NOP9: variants seen among roughly 807,000 people sequenced by gnomAD.
NOP9 encodes nucleolar protein 9.
Under a neutral mutation model 63.0 loss-of-function variants are expected in NOP9, and 50 were observed. That is an observed-to-expected ratio of 0.79 (90% CI 0.63 to 1.00). The LOEUF (loss-of-function observed/expected upper bound fraction) is 1.00. Among genes scored for constraint, NOP9 ranks in the 50% least tolerant of loss-of-function variants. The pLI, the probability that NOP9 is intolerant of heterozygous loss-of-function variation, is 0.00. For missense variants in NOP9, 758 were observed against 803.0 expected (o/e 0.94, Z 0.68); for synonymous variants, 343 against 332.8 (o/e 1.03, Z -0.33).
rs780699944 is a variant in NOP9 at position 24,300,131 on chromosome 14, G to A, written c.177G>A (p.Pro59=). Residue 59 remains proline (P), a synonymous_variant, in exon 1 of 10, where the codon CCG becomes CCA. Coordinates refer to ENST00000267425, the MANE Select transcript of NOP9 (RefSeq NM_174913.3). ...CAGATTCGCACCCGCACCTGAGCCC[G>A]GAAGCTCTGGGATATTTCCGCCGGG... ...PAPDSHPHLS[P]EALGYFRRAL... The A allele has an allele frequency of 3.1e-6, 5 of 1,613,890 alleles. No individual in the cohort carries two copies. In the East Asian group the frequency reaches 1.1e-4, roughly 36 times the overall value.
At chr14:24,281,449 T>G in the NOP9 span, among the ~76,000 whole-genome samples, 1 of 152,206 alleles carries the variant, frequency 6.6e-6, no homozygotes, top group Non-Finnish European at 1.5e-5. Flanking sequence ...TCAAAGTTTC[T>G]GTGCATGGGG....
the NOP9 span, chr14:24,271,274 A>C: frequency 1.0e-6 from 1 of 957,016 alleles, no homozygotes. Context: ...CAGAGTGTAA[A>C]GAGGTCCTGG....
At chr14:24,276,817 C>T in the NOP9 span, among the ~76,000 whole-genome samples, 1 of 152,208 alleles carries the variant, frequency 6.6e-6, no homozygotes, top group African/African-American at 2.4e-5. Flanking sequence ...TTCTATAAAA[C>T]TTGTCACTGA....
the NOP9 span, among the ~76,000 whole-genome samples, chr14:24,284,543 G>A: frequency 6.6e-6 from 1 of 152,098 alleles, no homozygotes; most frequent in African/African-American, 2.4e-5. Flanking sequence ...GAGTGCGCTT[G>A]GTGGGGAGGG....
At chr14:24,294,625 C>CAGA in the NOP9 span, 1 of 148,708 alleles carries the variant, frequency 6.7e-6, no homozygotes, top group East Asian at 1.9e-4. Context: ...ACAACAACAA[C>CAGA]AGACGAGTGG....
rs779444373 is a variant in NOP9, at chr14:24,300,391, C to T, written c.248-17C>T. 2 of 1,602,356 alleles carry T rather than the reference C, an allele frequency of 1.2e-6. No individual in the cohort carries two copies. The highest frequency in any genetic ancestry group is 2.2e-5 in the East Asian group (1 of 44,662). On this transcript the variant is annotated splice_polypyrimidine_tract_variant and intron_variant, in intron 1 of 9. Transcript: ENST00000267425. ...TCTACTAAGTCTCTTCAAAGTGTGT[C>T]TTTCTTCCCTTTTCAGATCTGATGG...
rs776718726 is a variant in NOP9 at position 24,305,897 on chromosome 14, G to A, written c.*802G>A. The A allele has an allele frequency of 6.3e-7, 1 of 1,589,778 alleles. No individual in the cohort carries two copies. The highest frequency in any genetic ancestry group is 8.6e-7 in the Non-Finnish European group (1 of 1,164,862). On this transcript the variant is annotated 3_prime_UTR_variant, in exon 10 of 10. Transcript: ENST00000267425. ...GTGGGTGCAAGAGGACGAATTATGG[G>A]GACTATCCAACTGTAGGGGATGGGG... is the stretch of plus-strand genomic sequence containing the variant.
At chr14:24,275,299 G>A in the NOP9 span, among the ~76,000 whole-genome samples, 5 of 152,144 alleles carry the variant, frequency 3.3e-5, no homozygotes, top group Non-Finnish European at 5.9e-5. Context: ...TATCAACAGA[G>A]CCCCAGACAT....
the NOP9 span, chr14:24,290,831 G>A: frequency 6.2e-7 from 1 of 1,612,972 alleles, no homozygotes; most frequent in East Asian, 2.2e-5. Context: ...GAGAAGACAA[G>A]CAGAGACGTA....
At chr14:24,297,245 T>C (rs1325873872), upstream of NOP9, among the ~76,000 whole-genome samples, 1 of 152,188 alleles carries the variant, frequency 6.6e-6, no homozygotes, top group Non-Finnish European at 1.5e-5. Context: ...GTCATTTCCA[T>C]CTCTCATGCC....
rs1366435145 is a variant in NOP9 at position 24,305,478 on chromosome 14, T to C, written c.*383T>C. 1.9e-5 allele frequency: 17 copies of C among 874,768 alleles called. No homozygotes were observed. Among genetic ancestry groups the C allele is most frequent in the South Asian group, 8.8e-5 (5 of 56,944 alleles). The allele number at this position is 874,768 out of a possible 1,614,324, so 54.2% of individuals were successfully genotyped here. A position where few individuals can be genotyped will look rare whatever the true frequency, so the allele number is the denominator to read the frequency against. On this transcript the variant is annotated 3_prime_UTR_variant, in exon 10 of 10. Coordinates refer to ENST00000267425, the MANE Select transcript of NOP9 (RefSeq NM_174913.3). ...TATAGACTTGGGATGTGAGGCGTTATGCTGAAAGGTTCTGTCACGAGGGGA... is the reference window on the plus strand; with the variant it reads ...TATAGACTTGGGATGTGAGGCGTTACGCTGAAAGGTTCTGTCACGAGGGGA...
Position 24,307,786 on chromosome 14 carries a change from G to A in NOP9, c.*2691G>A. ...TGTTGCCCTGCCTATATCCCCTAAA[G>A]GTGGAGGGTAGAGCGGAGGGTTAGC... On this transcript the variant is annotated 3_prime_UTR_variant, in exon 10 of 10. Transcript: ENST00000267425. 6.3e-7 allele frequency: 1 copy of A among 1,578,296 alleles called. No homozygotes were observed. Among genetic ancestry groups the A allele is most frequent in the South Asian group, 1.2e-5 (1 of 86,660 alleles).
At position 24,303,847 on chromosome 14, in the gene NOP9, C is replaced by T. The variant is rs2041423493; in HGVS notation, c.1400C>T (p.Ala467Val). ...GLTEEEGAVP[A>V]EHQVAMAAAR... ...ACGGAGGAGGAGGGGGCAGTGCCTGCAGAGCACCAGGTGAGGTAGGGGAGA... is the reference window on the plus strand; with the variant it reads ...ACGGAGGAGGAGGGGGCAGTGCCTGTAGAGCACCAGGTGAGGTAGGGGAGA... Residue 467 changes from alanine to valine, a missense_variant, in exon 7 of 10, where the codon GCA becomes GTA. By Grantham distance (64) the Ala-to-Val change is moderately conservative. Transcript: ENST00000267425. 6.2e-7 allele frequency: 1 copy of T among 1,613,928 alleles called. No individual in the cohort carries two copies. The highest frequency in any genetic ancestry group is 8.5e-7 in the Non-Finnish European group (1 of 1,179,950).
At chr14:24,280,402 T>C in the NOP9 span, among the ~76,000 whole-genome samples, 2 of 152,180 alleles carry the variant, frequency 1.3e-5, no homozygotes, top group Admixed American at 1.3e-4. Flanking sequence ...GTGCCTCTTC[T>C]GTTCCTCTCA....
At chr14:24,273,556 G>T in the NOP9 span, among the ~76,000 whole-genome samples, 2 of 152,180 alleles carry the variant, frequency 1.3e-5, no homozygotes, top group African/African-American at 4.8e-5. Flanking sequence ...TTATATACTT[G>T]TCCTTTCCTA....
chr14:24,285,711 C>T, the NOP9 span, among the ~76,000 whole-genome samples: 3 of 152,128 alleles, frequency 2.0e-5, no homozygotes, highest in South Asian at 2.1e-4. Flanking sequence ...AGGCTGGGCA[C>T]GGTAATTTAT....
At chr14:24,290,980 T>C in the NOP9 span, 3 of 1,613,968 alleles carry the variant, frequency 1.9e-6, no homozygotes, top group Non-Finnish European at 8.5e-7. Context: ...AGACAAATAG[T>C]CTTGGACGGG....
At position 24,300,665 on chromosome 14, in the gene NOP9, G is replaced by GAGGAGA; in HGVS notation, c.509_510insGAAGGA (p.Glu169_Asp170insGluLys). The GAGGAGA allele has an allele frequency of 1.2e-6, 2 of 1,614,068 alleles. No homozygotes were observed. The highest frequency in any genetic ancestry group is 1.7e-6 in the Non-Finnish European group (2 of 1,180,016). ...TGCAGAGGAGGAGGAGGAGGAGGAG[G>GAGGAGA]AGGATGGAAAGGATGGTCCCACGGA... On this transcript the variant is annotated inframe_insertion, in exon 2 of 10. Coordinates refer to ENST00000267425, the MANE Select transcript of NOP9 (RefSeq NM_174913.3).
chr14:24,273,585 C>T, the NOP9 span, among the ~76,000 whole-genome samples: 11 of 152,306 alleles, frequency 7.2e-5, no homozygotes, highest in South Asian at 1.7e-3. Context: ...AACAAATTCT[C>T]GAAAAGAGAC....
Sources: gnomAD v4.1 joint callset for allele counts (sites outside exome capture counted in the v4.1 genomes callset) on GRCh38, gnomAD v4.1.1 for gene constraint, MANE v1.5 for transcripts, NCBI Gene and HGNC (gene_info 2026-07-23, HGNC 2026-07-21) for gene names.